Variants in TLCD2 observed in about 807,000 individuals in gnomAD.
TLCD2 encodes TLC domain-containing protein 2.
Under a neutral mutation model 14.0 loss-of-function variants are expected in TLCD2, and 12 were observed. That is an observed-to-expected ratio of 0.86 (90% confidence interval 0.55 to 1.39). TLCD2 has a LOEUF of 1.39. TLCD2 is among the 40% of genes most tolerant of loss of function. The pLI, the probability that TLCD2 is intolerant of heterozygous loss-of-function variation, is 0.00. For synonymous variants in TLCD2, 166 were observed against 156.5 expected, an observed-to-expected ratio of 1.06 and a Z score of -0.45; for missense variants, 360 against 346.8, an observed-to-expected ratio of 1.04 and a Z score of -0.30.
Position 1,704,283 on chromosome 17 carries a change from AGAG to A in TLCD2, c.*3484_*3486del, listed in dbSNP as rs1264650157. 6.9e-6 allele frequency: 1 copy of A among 145,742 alleles called. No homozygotes were observed. Among genetic ancestry groups the A allele is most frequent in the Non-Finnish European group, 1.5e-5 (1 of 66,102 alleles). The allele number at this position is 145,742 out of a possible 1,614,324, so 9.0% of individuals were successfully genotyped here. ...AAAAGAAAATTTTTTTTTTTTGTAGAGAGGAGGTCTCAATATGTTGCCCAGACT... is the reference window on the plus strand; with the variant it reads ...AAAAGAAAATTTTTTTTTTTTGTAGAGAGGTCTCAATATGTTGCCCAGACT... On this transcript the variant is annotated 3_prime_UTR_variant, in exon 4 of 4. Transcript: ENST00000330676.
At position 1,704,060 on chromosome 17, in the gene TLCD2, A is replaced by G. The variant is rs1210936377; in HGVS notation, c.*3710T>C. 1 of 151,720 alleles carries G rather than the reference A, an allele frequency of 6.6e-6. No homozygotes were observed. The highest frequency in any genetic ancestry group is 1.5e-5 in the Non-Finnish European group (1 of 67,950). The allele number at this position is 151,720 out of a possible 1,614,324, so 9.4% of individuals were successfully genotyped here. Reference sequence around the variant, plus strand: ...GCCAATATGGTGAAATCCTGTCTCTACTAAAAACACAAAAATTAGCCGAGT... The same window carrying G: ...GCCAATATGGTGAAATCCTGTCTCTGCTAAAAACACAAAAATTAGCCGAGT... On this transcript the variant is annotated 3_prime_UTR_variant, in exon 4 of 4. Coordinates refer to ENST00000330676, the MANE Select transcript of TLCD2 (RefSeq NM_001164407.2).
At chr17:1,709,441 G>A (rs1481517183) in intron 3 of TLCD2, 58 bp downstream of exon 3, 11 of 1,198,522 alleles carry the variant, frequency 9.2e-6, no homozygotes, top group Middle Eastern at 1.9e-4. Context: ...TGGGAACCTC[G>A]GGCTGGACAG....
rs149732637 is a variant in TLCD2 at position 1,708,675 on chromosome 17, C to T, written c.343-453G>A. ...GTAATTTTTGTATTTTTAGTAGAGA[C>T]GGGGTTTCACTGTTAGTCAGGATGG... On this transcript the variant is annotated intron_variant, in intron 3 of 3. Coordinates refer to ENST00000330676, the MANE Select transcript of TLCD2 (RefSeq NM_001164407.2). Among the ~76,000 whole-genome samples the T allele has an allele frequency of 8.7e-3, 1,328 of 151,948 alleles. 16 individuals carry two copies. The highest frequency in any genetic ancestry group is 0.029 in the African/African-American group (1,196 of 41,446).
At position 1,709,531 on chromosome 17, in the gene TLCD2, T is replaced by G; in HGVS notation, c.310A>C (p.Lys104Gln). ...TGATGACAGAGAAGATCCCAGGTCT[T>G]GCCCAAGGTCTGGTTCCACAGCAGG... ...ADLLWNQTLG[K>Q]TWDLLCHHLV... Residue 104 changes from lysine to glutamine, a missense_variant, in exon 3 of 4, where the codon AAG (lysine) becomes CAG (glutamine). Lys to Gln is a moderately conservative substitution (Grantham distance 53, BLOSUM62 1). Transcript: ENST00000330676. 1 of 1,537,086 alleles carries G rather than the reference T, an allele frequency of 6.5e-7. No individual in the cohort carries two copies. The highest frequency in any genetic ancestry group is 2.4e-5 in the East Asian group (1 of 40,920).
rs997344980 is a variant in TLCD2 at position 1,703,360 on chromosome 17, G to A, written c.*4410C>T. The A allele has an allele frequency of 1.3e-5, 2 of 152,112 alleles. No homozygotes were observed. The highest frequency in any genetic ancestry group is 2.4e-5 in the African/African-American group (1 of 41,422). The allele number at this position is 152,112 out of a possible 1,614,324, so 9.4% of individuals were successfully genotyped here. On this transcript the variant is annotated 3_prime_UTR_variant, in exon 4 of 4. Coordinates refer to ENST00000330676, the MANE Select transcript of TLCD2 (RefSeq NM_001164407.2). ...CAGAAACAGCCATGTTTCCCTAATG[G>A]TCAAGTTCTTGGGCAGCCTTCATAG... is the stretch of plus-strand genomic sequence containing the variant.
Position 1,705,588 on chromosome 17 carries a change from T to G in TLCD2, c.*2182A>C, listed in dbSNP as rs1275667220. The stretch of plus-strand genomic sequence containing the variant: ...CTGCTAGGGCCTGTCTCTTTTGCCC[T>G]CCATCCTTCTTTGCCTCTGTCACCT... On this transcript the variant is annotated 3_prime_UTR_variant, in exon 4 of 4. Transcript: ENST00000330676. The G allele has an allele frequency of 1.3e-5, 2 of 152,436 alleles. No individual in the cohort carries two copies. The highest frequency in any genetic ancestry group is 4.8e-5 in the African/African-American group (2 of 41,592). 9.4% of individuals were successfully genotyped at this position (152,436 alleles called of 1,614,324 possible).
Position 1,707,810 on chromosome 17 carries a change from G to A in TLCD2, c.755C>T (p.Pro252Leu), listed in dbSNP as rs1001899470. 5 of 1,520,070 alleles carry A rather than the reference G, an allele frequency of 3.3e-6. No homozygotes were observed. The highest frequency in any genetic ancestry group is 3.5e-6 in the Non-Finnish European group (4 of 1,136,960). 94.2% of individuals were successfully genotyped at this position (1,520,070 alleles called of 1,614,324 possible). A position where few individuals can be genotyped will look rare whatever the true frequency, so the allele number is the denominator to read the frequency against. ...GAGAGTCGAACTGTTGCTGGTGACA[G>A]GTCCATTGTCACGACGTGTCCTGGT... ...RGTRTRRDNG[P>L]VTSNSSTLSL... Residue 252 changes from proline to leucine, a missense_variant, in exon 4 of 4, where the codon CCT becomes CTT. Pro to Leu is a moderately conservative substitution (Grantham distance 98). Transcript: ENST00000330676.
Position 1,707,803 on chromosome 17 carries a change from G to C in TLCD2, c.762C>G (p.Thr254=). 6.6e-7 allele frequency: 1 copy of C among 1,511,564 alleles called. No individual in the cohort carries two copies. The highest frequency in any genetic ancestry group is 8.8e-7 in the Non-Finnish European group (1 of 1,131,996). The allele number at this position is 1,511,564 out of a possible 1,614,324, so 93.6% of individuals were successfully genotyped here. Residue 254 remains threonine (T), a synonymous_variant, in exon 4 of 4, where the codon ACC becomes ACG. Coordinates refer to ENST00000330676, the MANE Select transcript of TLCD2 (RefSeq NM_001164407.2). ...TRTRRDNGPV[T]SNSSTLSLKD The stretch of plus-strand genomic sequence containing the variant: ...TCAGGCTGAGAGTCGAACTGTTGCT[G>C]GTGACAGGTCCATTGTCACGACGTG...
chr17:1,709,887 C>CT lies in TLCD2; in HGVS notation c.177-2dup. On this transcript the variant is annotated splice_acceptor_variant, in intron 1 of 3. Coordinates refer to ENST00000330676, the MANE Select transcript of TLCD2 (RefSeq NM_001164407.2). LOFTEE classifies it high-confidence loss of function. ...GGCCATCTGAGGGTACAGTGACAGG[C>CT]TGGGGGCATGGGGTGGGGACATGGG... 1 of 1,289,800 alleles carries CT rather than the reference C, an allele frequency of 7.8e-7. No homozygotes were observed. Among genetic ancestry groups the CT allele is most frequent in the Non-Finnish European group, 1.1e-6 (1 of 926,082 alleles). The allele number at this position is 1,289,800 out of a possible 1,614,324, so 79.9% of individuals were successfully genotyped here.
rs188285575 is a variant in TLCD2 at position 1,708,138 on chromosome 17, C to T, written c.427G>A (p.Ala143Thr). ...MVSLLLELNSACLHLRKLLLL... is the reference protein window; with the variant it reads ...MVSLLLELNSTCLHLRKLLLL... ...AGCAGCTTCCGCAGGTGCAAGCAGG[C>T]AGAGTTCAGTTCCAGGAGCAGAGAC... The change falls in exon 4 of 4, where the codon GCC becomes ACC. Residue 143 changes from alanine (A) to threonine (T), a missense_variant. Physicochemically the swap from Ala to Thr is moderately conservative, Grantham distance 58. Transcript: ENST00000330676. 257 of 1,536,900 alleles carry T rather than the reference C, an allele frequency of 1.7e-4. No homozygotes were observed. The Admixed American group carries it at 1.8e-3, about 11-fold the overall frequency.
Position 1,708,222 on chromosome 17 carries a change from C to G in TLCD2, c.343G>C (p.Val115Leu). The change falls in exon 4 of 4, where the codon GTG becomes CTG. Residue 115 changes from valine (V) to leucine (L), a missense_variant and splice_region_variant. Transcript: ENST00000330676. ...TWDLLCHHLV[V>L]VSCLSTAVLS... ...ACAGCGGTGCTGAGGCAGCTCACCA[C>G]CTGGGAGCCAGGGTCACAGGTCAGA... 1 of 1,518,546 alleles carries G rather than the reference C, an allele frequency of 6.6e-7. No individual in the cohort carries two copies. The highest frequency in any genetic ancestry group is 8.8e-7 in the Non-Finnish European group (1 of 1,136,286). 94.1% of individuals were successfully genotyped at this position (1,518,546 alleles called of 1,614,324 possible). A position where few individuals can be genotyped will look rare whatever the true frequency, so the allele number is the denominator to read the frequency against.
In TLCD2 at chr17:1,710,228, C is replaced by T. The variant is rs1257646539; in HGVS notation, c.15G>A (p.Gly5=). MAPT[G]LLVAGASFLA... is the part of the protein sequence containing the mutation. The stretch of plus-strand genomic sequence containing the variant: ...GGAAGGAGGCGCCGGCCACCAGGAG[C>T]CCCGTGGGCGCCATGGCCTGGCGGT... The change falls in exon 1 of 4, where the codon GGG becomes GGA. Residue 5 remains glycine (G), a synonymous_variant. Coordinates refer to ENST00000330676, the MANE Select transcript of TLCD2 (RefSeq NM_001164407.2). The surrounding 1 kb of genome is among the most constrained non-coding windows in gnomAD (Gnocchi z 6.1). 2 of 1,524,174 alleles carry T rather than the reference C, an allele frequency of 1.3e-6. No individual in the cohort carries two copies. Among genetic ancestry groups the T allele is most frequent in the Non-Finnish European group, 8.8e-7 (1 of 1,142,646 alleles). The allele number at this position is 1,524,174 out of a possible 1,614,324, so 94.4% of individuals were successfully genotyped here.
chr17:1,707,865 G>A lies in TLCD2; in HGVS notation c.700C>T (p.Pro234Ser), dbSNP rs1914084294. 7 of 1,537,100 alleles carry A rather than the reference G, an allele frequency of 4.6e-6. No homozygotes were observed. Among genetic ancestry groups the A allele is most frequent in the Non-Finnish European group, 6.1e-6 (7 of 1,146,896 alleles). ...NDVLQSRPHP[P>S]SPGHEKTRGT... The stretch of plus-strand genomic sequence containing the variant: ...CTGGTTTTCTCATGGCCAGGGCTGG[G>A]TGGATGGGGTCGAGACTGTAGGACA... Residue 234 changes from proline (P) to serine (S), a missense_variant, in exon 4 of 4, where the codon CCC becomes TCC. By Grantham distance (74) the Pro-to-Ser change is moderately conservative. Transcript: ENST00000330676.
Position 1,708,002 on chromosome 17 carries a change from A to G in TLCD2, c.563T>C (p.Leu188Pro), listed in dbSNP as rs540369223. 4.8e-5 allele frequency: 74 copies of G among 1,537,292 alleles called. No homozygotes were observed. Among genetic ancestry groups the G allele is most frequent in the Non-Finnish European group, 6.3e-5 (72 of 1,146,926 alleles). Residue 188 changes from leucine to proline, a missense_variant, in exon 4 of 4, where the codon CTG (leucine) becomes CCG (proline). By Grantham distance (98) the Leu-to-Pro change is moderately conservative. Coordinates refer to ENST00000330676, the MANE Select transcript of TLCD2 (RefSeq NM_001164407.2). ...AGGAACCTGGTGGTGCTGCCGGAAC[A>G]GCCACAGACTCATCCACCCCAGCGG... ...LVPLGWMSLW[L>P]FRQHHQVPLA...
rs535618979 is a variant in TLCD2 at position 1,709,507 on chromosome 17, G to A, written c.334C>T (p.His112Tyr). 1.3e-6 allele frequency: 2 copies of A among 1,532,058 alleles called. No individual in the cohort carries two copies. Among genetic ancestry groups the A allele is most frequent in the Non-Finnish European group, 1.7e-6 (2 of 1,144,002 alleles). 94.9% of individuals were successfully genotyped at this position (1,532,058 alleles called of 1,614,324 possible). Reference protein sequence around the residue: ...LGKTWDLLCHHLVVVSCLSTA... With the variant: ...LGKTWDLLCHYLVVVSCLSTA... Reference sequence around the variant, plus strand: ...TGCCCTCAGAGTCTCACCACCAAATGATGACAGAGAAGATCCCAGGTCTTG... The same window carrying A: ...TGCCCTCAGAGTCTCACCACCAAATAATGACAGAGAAGATCCCAGGTCTTG... Residue 112 changes from histidine to tyrosine, a missense_variant, in exon 3 of 4, where the codon CAT becomes TAT. By Grantham distance (83) the His-to-Tyr change is moderately conservative. Transcript: ENST00000330676.
At position 1,705,735 on chromosome 17, in the gene TLCD2, T is replaced by G. The variant is rs7223247; in HGVS notation, c.*2035A>C. ...CAAGGTTTTTGTTTTGTTTTGTTTTTTTTTGAAGACAATCTTCCTGTCTCT... is the reference window on the plus strand; with the variant it reads ...CAAGGTTTTTGTTTTGTTTTGTTTTGTTTTGAAGACAATCTTCCTGTCTCT... On this transcript the variant is annotated 3_prime_UTR_variant, in exon 4 of 4. Coordinates refer to ENST00000330676, the MANE Select transcript of TLCD2 (RefSeq NM_001164407.2). 0.8 allele frequency: 121,452 copies of G among 152,194 alleles called. 49,316 individuals are homozygous for G. The highest frequency in any genetic ancestry group is 0.88 in the Non-Finnish European group (60,041 of 68,078). The allele number at this position is 152,194 out of a possible 1,614,324, so 9.4% of individuals were successfully genotyped here.
In TLCD2 at chr17:1,706,124, A is replaced by C. The variant is rs910952212; in HGVS notation, c.*1646T>G. 2 of 152,030 alleles carry C rather than the reference A, an allele frequency of 1.3e-5. No homozygotes were observed. The highest frequency in any genetic ancestry group is 4.8e-5 in the African/African-American group (2 of 41,386). 9.4% of individuals were successfully genotyped at this position (152,030 alleles called of 1,614,324 possible). A position where few individuals can be genotyped will look rare whatever the true frequency, so the allele number is the denominator to read the frequency against. ...TGAGTAGCTGGGATTACAGGCATGC[A>C]CCACCATGCCCGGCTAATTTTGTAT... On this transcript the variant is annotated 3_prime_UTR_variant, in exon 4 of 4. Coordinates refer to ENST00000330676, the MANE Select transcript of TLCD2 (RefSeq NM_001164407.2).
rs1914178839 is a variant in TLCD2 at position 1,710,122 on chromosome 17, T to C, written c.121A>G (p.Asn41Asp). 6.5e-7 allele frequency: 1 copy of C among 1,533,346 alleles called. No individual in the cohort carries two copies. The highest frequency in any genetic ancestry group is 1.4e-5 in the African/African-American group (1 of 72,986). 95.0% of individuals were successfully genotyped at this position (1,533,346 alleles called of 1,614,324 possible). A position where few individuals can be genotyped will look rare whatever the true frequency, so the allele number is the denominator to read the frequency against. Reference protein sequence around the residue: ...SAARDRWQWWNLCVSLAHSLL... With the variant: ...SAARDRWQWWDLCVSLAHSLL... ...CTGTGCGCCAGGGAGACGCAGAGGT[T>C]CCACCACTGCCAGCGGTCCCGAGCG... is the stretch of plus-strand genomic sequence containing the variant. Residue 41 changes from asparagine (N) to aspartate (D), a missense_variant, in exon 1 of 4, where the codon AAC becomes GAC. Asn to Asp is a conservative substitution (Grantham distance 23, BLOSUM62 1). Coordinates refer to ENST00000330676, the MANE Select transcript of TLCD2 (RefSeq NM_001164407.2). The surrounding 1 kb of genome is among the most constrained non-coding windows in gnomAD (Gnocchi z 6.1).
At position 1,703,240 on chromosome 17, in the gene TLCD2, G is replaced by A. The variant is rs745379272; in HGVS notation, c.*4530C>T. The A allele has an allele frequency of 5.3e-5, 8 of 151,994 alleles. No homozygotes were observed. The highest frequency in any genetic ancestry group is 1.3e-4 in the Admixed American group (2 of 15,248). The allele number at this position is 151,994 out of a possible 1,614,324, so 9.4% of individuals were successfully genotyped here. ...CACTGGCTCACCATGGTAGCAATTC[G>A]TGTGTGGTCCCAAATTCTTCCAAGC... On this transcript the variant is annotated 3_prime_UTR_variant, in exon 4 of 4. Coordinates refer to ENST00000330676, the MANE Select transcript of TLCD2 (RefSeq NM_001164407.2).
Sources: gnomAD v4.1 joint callset for allele counts (sites outside exome capture counted in the v4.1 genomes callset) on GRCh38, gnomAD v4.1.1 for gene constraint, Gnocchi (gnomAD v3.1) non-coding constraint, MANE v1.5 for transcripts, NCBI Gene and HGNC (gene_info 2026-07-23, HGNC 2026-07-21) for gene names.